Variants in ARMH3 observed in about 807,000 individuals in gnomAD.
ARMH3 encodes the protein armadillo like helical domain containing 3, also known as armadillo-like helical domain-containing protein 3.
In ARMH3, 60 loss-of-function variants were observed where a neutral mutation model predicts 99.1. The observed-to-expected ratio is 0.61, with a 90% CI of 0.49 to 0.75. The LOEUF is 0.75. Among genes scored for constraint, ARMH3 ranks in the 30% least tolerant of loss-of-function variants. ARMH3 has a pLI of 0.00. For synonymous variants in ARMH3, 285 were observed against 292.8 expected, an observed-to-expected ratio of 0.97 and a Z score of 0.27; for missense variants, 679 against 843.1, an observed-to-expected ratio of 0.81 and a Z score of 2.41.
rs763494381 is a variant in ARMH3 at position 102,010,067 on chromosome 10, T to C, written c.832-44A>G. 4 of 1,579,012 alleles carry C rather than the reference T, an allele frequency of 2.5e-6. No individual in the cohort carries two copies. In the South Asian group the frequency reaches 3.3e-5, roughly 13 times the overall value. Reference sequence around the variant, plus strand: ...ATTGCAAACTTATAGCAGGAGGATATGAGAGGAGCTTTATGCCTAGGAAGC... The same window carrying C: ...ATTGCAAACTTATAGCAGGAGGATACGAGAGGAGCTTTATGCCTAGGAAGC... On this transcript the variant is annotated intron_variant, in intron 11 of 25. Transcript: ENST00000370033.
intron 19 of ARMH3, among the ~76,000 whole-genome samples, chr10:101,977,828 C>T (rs1461723939): frequency 6.6e-6 from 1 of 152,250 alleles, no homozygotes; most frequent in Admixed American, 6.5e-5. Flanking sequence ...CCTTGGGACT[C>T]TACAGAGTGT....
At chr10:102,020,026 G>A (rs539558469) in intron 8 of ARMH3, among the ~76,000 whole-genome samples, 2 of 147,976 alleles carry the variant, frequency 1.4e-5, no homozygotes, top group South Asian at 4.4e-4. Flanking sequence ...TTTGAGACCA[G>A]CCTGGTCTCA....
intron 5 of ARMH3, among the ~76,000 whole-genome samples, chr10:102,028,878 TTTC>T (rs1397945303): frequency 6.6e-6 from 1 of 152,188 alleles, no homozygotes; most frequent in African/African-American, 2.4e-5. Flanking sequence ...CTTTATTTAT[TTTC>T]TTCTTTTTGA....
intron 23 of ARMH3, 108 bp downstream of exon 23, chr10:101,939,755 C>T (rs1262373828): frequency 4.3e-5 from 39 of 897,872 alleles, no homozygotes; most frequent in Admixed American, 2.2e-5. Context: ...CTCCTACAGA[C>T]ATCAAGGCTT....
At chr10:102,036,134 G>C (rs564722033) in intron 2 of ARMH3, among the ~76,000 whole-genome samples, 1 of 147,342 alleles carries the variant, frequency 6.8e-6, no homozygotes, top group Admixed American at 6.8e-5. Flanking sequence ...GCCCCCGCCC[G>C]GCCAGCCGCC....
intron 22 of ARMH3, among the ~76,000 whole-genome samples, chr10:101,941,438 T>A (rs996012990): frequency 6.6e-6 from 1 of 152,198 alleles, no homozygotes; most frequent in Non-Finnish European, 1.5e-5. Flanking sequence ...GTGACCAATC[T>A]GTATATGACC....
intron 23 of ARMH3, among the ~76,000 whole-genome samples, chr10:101,904,319 T>C (rs2068050442): frequency 6.6e-6 from 1 of 152,114 alleles, no homozygotes; most frequent in Non-Finnish European, 1.5e-5. Flanking sequence ...CAGTGGCATG[T>C]GAAACAGCCC....
intron 22 of ARMH3, among the ~76,000 whole-genome samples, chr10:101,944,672 A>G (rs1220614241): frequency 6.6e-6 from 1 of 151,788 alleles, no homozygotes; most frequent in Non-Finnish European, 1.5e-5. Flanking sequence ...AAATTAGCCA[A>G]CCATGGTGGT....
At chr10:102,044,902 G>A (rs776636440) in intron 1 of ARMH3, among the ~76,000 whole-genome samples, 10 of 152,132 alleles carry the variant, frequency 6.6e-5, no homozygotes, top group Non-Finnish European at 1.0e-4. Flanking sequence ...TTAGGAAGCC[G>A]AGGCGGGCAG....
intron 14 of ARMH3, among the ~76,000 whole-genome samples, chr10:102,003,715 T>C (rs1040864331): frequency 1.3e-5 from 2 of 152,226 alleles, no homozygotes; most frequent in African/African-American, 2.4e-5. Context: ...TTACGACATA[T>C]GCAGAGAACA....
intron 24 of ARMH3, among the ~76,000 whole-genome samples, chr10:101,876,437 C>T (rs1014926668): frequency 1.1e-4 from 17 of 152,094 alleles, no homozygotes; most frequent in Admixed American, 9.2e-4. Flanking sequence ...TAATTCAACA[C>T]GGGATCTCTG....
chr10:101,975,408 A>G (rs1845951354), intron 19 of ARMH3, 108 bp from the exon 20 acceptor site: 1 of 752,650 alleles, frequency 1.3e-6, no homozygotes, highest in Non-Finnish European at 2.3e-6. Flanking sequence ...AAGACACTGG[A>G]TATGAATATG....
intron 25 of ARMH3, among the ~76,000 whole-genome samples, chr10:101,848,387 C>T (rs965336816): frequency 2.5e-4 from 38 of 152,126 alleles, no homozygotes; most frequent in African/African-American, 8.7e-4. Context: ...GGTCAGAGGG[C>T]CCAAGTCCCT....
intron 23 of ARMH3, among the ~76,000 whole-genome samples, chr10:101,912,390 TCAAA>T (rs1842905126): frequency 2.6e-5 from 1 of 38,602 alleles, no homozygotes; most frequent in Non-Finnish European, 4.0e-5. Context: ...AGACTCTGTC[TCAAA>T]AAAAAAAAAA....
chr10:102,020,215 C>T (rs1252320879), intron 8 of ARMH3, among the ~76,000 whole-genome samples: 1 of 151,822 alleles, frequency 6.6e-6, no homozygotes, highest in Non-Finnish European at 1.5e-5. Flanking sequence ...ATAAATTTAA[C>T]GTAGCCTAAG....
At chr10:102,002,887 G>A (rs2066395139) in intron 14 of ARMH3, among the ~76,000 whole-genome samples, 1 of 151,530 alleles carries the variant, frequency 6.6e-6, no homozygotes, top group Admixed American at 6.6e-5. Flanking sequence ...CTTGAAACCG[G>A]GAGGCGGAGG....
intron 18 of ARMH3, among the ~76,000 whole-genome samples, chr10:101,990,854 G>T (rs1381113178): frequency 6.6e-6 from 1 of 152,164 alleles, no homozygotes; most frequent in East Asian, 1.9e-4. Flanking sequence ...ACCCTGACCT[G>T]CCAATAAATT....
At chr10:101,940,526 T>C (rs562001623) in intron 22 of ARMH3, among the ~76,000 whole-genome samples, 1 of 152,264 alleles carries the variant, frequency 6.6e-6, no homozygotes, top group East Asian at 1.9e-4. Context: ...TATGTATACA[T>C]GTGCCATGTT....
intron 23 of ARMH3, among the ~76,000 whole-genome samples, chr10:101,938,203 T>C (rs796284491): frequency 6.6e-5 from 10 of 152,290 alleles, no homozygotes; most frequent in African/African-American, 2.4e-4. Context: ...AGATGTATAC[T>C]GAGTCCGGTT....
Sources: allele counts gnomAD v4.1 joint callset (sites outside exome capture counted in the v4.1 genomes callset), GRCh38; gene constraint gnomAD v4.1.1; transcripts MANE v1.5; gene names NCBI Gene and HGNC (gene_info 2026-07-23, HGNC 2026-07-21).